The following YBEY variants were observed in gnomAD, a reference collection of about 807,000 sequenced individuals.
YBEY encodes endoribonuclease YbeY.
A neutral mutation model predicts 13.5 loss-of-function variants in YBEY; 15 were observed. The ratio of observed to expected loss-of-function variants is 1.11; its 90% CI spans 0.75 to 1.72. YBEY has a LOEUF of 1.72. YBEY is among the 40% of genes most tolerant of loss of function. The pLI is 0.00. For synonymous variants in YBEY, 101 were observed against 83.1 expected, an observed-to-expected ratio of 1.21 and a Z score of -1.17; for missense variants, 244 against 208.4, an observed-to-expected ratio of 1.17 and a Z score of -1.05.
chr21:46,289,848 TAGAC>T (rs1435829585), intron 2 of YBEY, among the ~76,000 whole-genome samples: 1 of 152,254 alleles, frequency 6.6e-6, no homozygotes, highest in Non-Finnish European at 1.5e-5. Flanking sequence ...CGTCCAAGGT[TAGAC>T]AGGCAGTTGC....
chr21:46,303,698 ACACACAC>A, the YBEY span, among the ~76,000 whole-genome samples: 1 of 113,128 alleles, frequency 8.8e-6, no homozygotes, highest in African/African-American at 3.2e-5. Context: ...ACACACACAC[ACACACAC>A]AAAATATATA....
At chr21:46,290,362 C>T (rs1003959452) in intron 2 of YBEY, among the ~76,000 whole-genome samples, 2 of 152,064 alleles carry the variant, frequency 1.3e-5, no homozygotes, top group African/African-American at 2.4e-5. Context: ...TGTGCCATCA[C>T]ACCTGGCTAA....
the YBEY span, among the ~76,000 whole-genome samples, chr21:46,312,240 T>C: frequency 1.3e-5 from 2 of 152,202 alleles, no homozygotes; most frequent in African/African-American, 4.8e-5. Context: ...GTTTCCCACA[T>C]TTCCTGTCTT....
At chr21:46,296,415 T>A (rs1476946922) in intron 4 of YBEY, among the ~76,000 whole-genome samples, 185 bp downstream of exon 4, 1 of 151,976 alleles carries the variant, frequency 6.6e-6, no homozygotes, top group African/African-American at 2.4e-5. Flanking sequence ...TCCAGCTGAA[T>A]GTGTTCACTA....
At position 46,287,048 on chromosome 21, in the gene YBEY, G is replaced by C; in HGVS notation, c.135G>C (p.Lys45Asn). The change falls in exon 2 of 5, where the codon AAG becomes AAC. Residue 45 changes from lysine (K) to asparagine (N), a missense_variant. By Grantham distance (94) the Lys-to-Asn change is moderately conservative. Transcript: ENST00000397701. ...TGGGGATCATCTGTGTTGACAACAA[G>C]AATATTCAGCACATTAATAGAATCT... The part of the protein sequence containing the change: ...FDLGIICVDN[K>N]NIQHINRIYR... 1 of 1,613,150 alleles carries C rather than the reference G, an allele frequency of 6.2e-7. No homozygotes were observed.
chr21:46,299,282 C>G (rs2082050630), downstream of YBEY, among the ~76,000 whole-genome samples: 1 of 152,082 alleles, frequency 6.6e-6, no homozygotes. Context: ...CCCTTTGTTT[C>G]TTTAGGGAAT....
At chr21:46,291,857 G>A in intron 3 of YBEY, 2 of 1,052,584 alleles carry the variant, frequency 1.9e-6, no homozygotes, top group Non-Finnish European at 2.3e-6. Context: ...GGTTCTTCCT[G>A]CCCACTGCAC....
intron 3 of YBEY, among the ~76,000 whole-genome samples, chr21:46,294,993 C>G (rs1409340037): frequency 6.6e-6 from 1 of 152,150 alleles, no homozygotes; most frequent in Admixed American, 6.5e-5. Flanking sequence ...ACTTGCCCGC[C>G]ATGCACACCC....
the YBEY span, chr21:46,311,608 GA>G: frequency 4.1e-4 from 514 of 1,268,196 alleles, 3 homozygotes; most frequent in Middle Eastern, 4.9e-3. Context: ...ATATGTCCTT[GA>G]AGAAAGTGTC....
intron 3 of YBEY, among the ~76,000 whole-genome samples, chr21:46,293,031 C>CTT (rs1601591482): frequency 2.6e-4 from 1 of 3,896 alleles, no homozygotes; most frequent in African/African-American, 2.0e-3. Context: ...ATTCCTCCCG[C>CTT]GGTTAGCCTG....
the YBEY span, among the ~76,000 whole-genome samples, chr21:46,305,133 A>G: frequency 6.6e-6 from 1 of 152,116 alleles, no homozygotes; most frequent in Non-Finnish European, 1.5e-5. Context: ...ACTCGTAGAA[A>G]CAGAACAGAG....
downstream of YBEY, chr21:46,302,559 G>T: frequency 6.2e-7 from 1 of 1,612,136 alleles, no homozygotes; most frequent in Non-Finnish European, 8.5e-7. Context: ...TTCTGCAGCA[G>T]CAGCAGCTCC....
chr21:46,299,825 A>T (rs1054312852), downstream of YBEY, among the ~76,000 whole-genome samples: 4 of 151,208 alleles, frequency 2.6e-5, no homozygotes, highest in Admixed American at 1.3e-4. Context: ...AGGCACCCAG[A>T]CCCCAAAACC....
At chr21:46,294,631 AG>A (rs2081884400) in intron 3 of YBEY, among the ~76,000 whole-genome samples, 1 of 112,760 alleles carries the variant, frequency 8.9e-6, no homozygotes, top group African/African-American at 2.9e-5. Context: ...CAGCCACGCA[AG>A]TTAGACTCTA....
At chr21:46,297,470 G>T in intron 4 of YBEY, 69 bp from the exon 5 acceptor site, 1 of 1,291,754 alleles carries the variant, frequency 7.7e-7, no homozygotes, top group Non-Finnish European at 9.9e-7. Context: ...GCATCCCGAG[G>T]AGGCGACCCC....
chr21:46,312,308 A>C, the YBEY span, among the ~76,000 whole-genome samples: 1 of 151,324 alleles, frequency 6.6e-6, no homozygotes, highest in African/African-American at 2.4e-5. Flanking sequence ...AGCAACCAAC[A>C]CTTGGTATGG....
downstream of YBEY, chr21:46,302,118 C>A (rs1436677390): frequency 2.6e-6 from 4 of 1,521,938 alleles, no homozygotes; most frequent in Non-Finnish European, 3.5e-6. Flanking sequence ...CTTGGCCTGG[C>A]AGCTCGTGGG....
chr21:46,300,646 T>C, downstream of YBEY: 8 of 1,249,116 alleles, frequency 6.4e-6, no homozygotes, highest in Non-Finnish European at 7.2e-6. Flanking sequence ...TGCCCGTCCA[T>C]GTCAGCACCA....
chr21:46,298,613 T>G (rs1416413955), downstream of YBEY, among the ~76,000 whole-genome samples: 1 of 151,550 alleles, frequency 6.6e-6, no homozygotes, highest in Non-Finnish European at 1.5e-5. Context: ...GTATTTTTAG[T>G]AGAGACGGGG....
Sources: gnomAD v4.1 joint callset for allele counts (sites outside exome capture counted in the v4.1 genomes callset) on GRCh38, gnomAD v4.1.1 for gene constraint, MANE v1.5 for transcripts, NCBI Gene and HGNC (gene_info 2026-07-23, HGNC 2026-07-21) for gene names.